The following CNTN3 variants were observed in gnomAD, a reference collection of about 807,000 sequenced individuals.
CNTN3 encodes the protein contactin-3.
A neutral mutation model predicts 119.1 loss-of-function variants in CNTN3; 60 were observed. That is an observed-to-expected ratio of 0.50 (90% CI 0.41 to 0.62). CNTN3 has a LOEUF of 0.62. Among genes scored for constraint, CNTN3 ranks in the 20% least tolerant of loss-of-function variants. The pLI, the probability that CNTN3 is intolerant of heterozygous loss-of-function variation, is 0.00. For synonymous variants in CNTN3, 450 were observed against 438.7 expected (o/e 1.03, Z -0.32); for missense variants, 1,101 against 1,242.4 (o/e 0.89, Z 1.71).
At chr3:74,597,998 A>C (rs1264693722) in intron 1 of CNTN3, among the ~76,000 whole-genome samples, 1 of 152,070 alleles carries the variant, frequency 6.6e-6, no homozygotes, top group African/African-American at 2.4e-5. Context: ...ATGTGGGCTC[A>C]AGTAGTTCCT....
rs975347622 is a variant in CNTN3 at position 74,520,236 on chromosome 3, T to TA, written c.55+821dup. 3.3e-3 allele frequency among the ~76,000 whole-genome samples: 468 copies of TA among 142,356 alleles called. 5 individuals are homozygous for TA. Among genetic ancestry groups the TA allele is most frequent in the East Asian group, 0.01 (50 of 4,826 alleles). 93.4% of individuals were successfully genotyped at this position (142,356 alleles called of 152,430 possible). On this transcript the variant is annotated intron_variant, in intron 2 of 22. Transcript: ENST00000263665. Reference sequence around the variant, plus strand: ...GGGTTAGCCAAAATAAGTAGACAGATAAAAAAAAAAGGAAAAAGCACACAT... The same window carrying TA: ...GGGTTAGCCAAAATAAGTAGACAGATAAAAAAAAAAAGGAAAAAGCACACAT...
chr3:74,311,404 A>C (rs1263334182), intron 13 of CNTN3, among the ~76,000 whole-genome samples: 2 of 152,216 alleles, frequency 1.3e-5, no homozygotes, highest in African/African-American at 2.4e-5. Context: ...AGTTAGGATA[A>C]GAAAAAAAAG....
chr3:74,586,217 T>A (rs558920357), intron 1 of CNTN3, among the ~76,000 whole-genome samples: 2 of 152,254 alleles, frequency 1.3e-5, no homozygotes, highest in Non-Finnish European at 2.9e-5. Flanking sequence ...AAACCTCTTA[T>A]GAAAATATTT....
At chr3:74,321,134 GGGA>G (rs1255914821) in intron 13 of CNTN3, among the ~76,000 whole-genome samples, 4 of 152,206 alleles carry the variant, frequency 2.6e-5, no homozygotes, top group Middle Eastern at 3.4e-3. Flanking sequence ...GAATACAAGA[GGGA>G]GGAGGACTGG....
chr3:74,347,474 CA>C (rs1420140359), intron 11 of CNTN3, among the ~76,000 whole-genome samples: 1 of 152,210 alleles, frequency 6.6e-6, no homozygotes, highest in Non-Finnish European at 1.5e-5. Context: ...CTCCTGGCCT[CA>C]AGTGATCCTC....
chr3:74,535,873 G>T (rs977321165), intron 1 of CNTN3, among the ~76,000 whole-genome samples: 2 of 152,042 alleles, frequency 1.3e-5, no homozygotes, highest in Non-Finnish European at 2.9e-5. Context: ...CAACTCAGCT[G>T]CAGCCCGTCT....
At chr3:74,271,498 G>C (rs1171174070) in intron 20 of CNTN3, among the ~76,000 whole-genome samples, 2 of 152,152 alleles carry the variant, frequency 1.3e-5, no homozygotes, top group African/African-American at 4.8e-5. Context: ...ATTGCCTGGA[G>C]CTTTCAATGG....
At chr3:74,358,271 A>T (rs2593983) in intron 11 of CNTN3, among the ~76,000 whole-genome samples, 152,306 of 152,306 alleles carry the variant, frequency 1, 76,153 homozygotes, top group Non-Finnish European at 1. Flanking sequence ...GCTTATGATC[A>T]GTAGGGGAGA....
At chr3:74,469,059 T>C (rs1702514274) in intron 4 of CNTN3, among the ~76,000 whole-genome samples, 1 of 152,170 alleles carries the variant, frequency 6.6e-6, no homozygotes, top group East Asian at 1.9e-4. Flanking sequence ...TGTTTCACAA[T>C]CTAGAAACAA....
At chr3:74,352,444 C>T (rs1237869687) in intron 11 of CNTN3, among the ~76,000 whole-genome samples, 1 of 152,194 alleles carries the variant, frequency 6.6e-6, no homozygotes, top group African/African-American at 2.4e-5. Context: ...CATGTGTTGT[C>T]TTGGAGGTAA....
rs1021965679 is a variant in CNTN3, at chr3:74,301,450, A to G, written c.2043T>C (p.Ile681=). Residue 681 remains isoleucine, a synonymous_variant, in exon 16 of 23, where the codon ATT becomes ATC. Coordinates refer to ENST00000263665, the MANE Select transcript of CNTN3 (RefSeq NM_020872.3). Reference sequence around the variant, plus strand: ...AGGGTAAACTTGGTTCTCCACCTCCAATTTTGTTACTGGCTACAACCCGAA... The same window carrying G: ...AGGGTAAACTTGGTTCTCCACCTCCGATTTTGTTACTGGCTACAACCCGAA... ...YEFRVVASNK[I]GGGEPSLPSE... The G allele has an allele frequency of 6.2e-7, 1 of 1,614,066 alleles. No homozygotes were observed. The highest frequency in any genetic ancestry group is 8.5e-7 in the Non-Finnish European group (1 of 1,179,986).
intron 4 of CNTN3, among the ~76,000 whole-genome samples, chr3:74,455,908 C>A (rs894655908): frequency 5.3e-5 from 8 of 152,096 alleles, no homozygotes; most frequent in African/African-American, 1.9e-4. Context: ...GCCTGAAAAT[C>A]TGCATTTGTA....
chr3:74,523,059 A>T (rs563106069), intron 1 of CNTN3, among the ~76,000 whole-genome samples: 186 of 151,842 alleles, frequency 1.2e-3, no homozygotes, highest in African/African-American at 1.5e-3. Context: ...CCCTGCTTGG[A>T]CCAAAGGGTC....
At chr3:74,568,132 C>T (rs1248425309) in intron 1 of CNTN3, among the ~76,000 whole-genome samples, 2 of 150,834 alleles carry the variant, frequency 1.3e-5, no homozygotes, top group African/African-American at 2.4e-5. Context: ...CCAATTCTCA[C>T]GCCTATGATA....
intron 1 of CNTN3, among the ~76,000 whole-genome samples, chr3:74,556,212 T>C (rs2107167958): frequency 6.6e-6 from 1 of 152,234 alleles, no homozygotes; most frequent in Admixed American, 6.5e-5. Context: ...TTATAGTATG[T>C]TCAGAGTTGT....
At chr3:74,278,612 A>G (rs975696471) in intron 20 of CNTN3, among the ~76,000 whole-genome samples, 12 of 152,218 alleles carry the variant, frequency 7.9e-5, no homozygotes, top group African/African-American at 2.7e-4. Flanking sequence ...TCAACCCAAG[A>G]TGGATGAAGG....
chr3:74,314,285 T>G (rs1702773176), intron 13 of CNTN3, among the ~76,000 whole-genome samples: 1 of 152,080 alleles, frequency 6.6e-6, no homozygotes, highest in Admixed American at 6.6e-5. Context: ...CTGTAAGAAA[T>G]ATGATAGAAA....
intron 4 of CNTN3, among the ~76,000 whole-genome samples, chr3:74,429,017 A>G (rs984257035): frequency 2.0e-5 from 3 of 152,182 alleles, no homozygotes; most frequent in Admixed American, 6.5e-5. Flanking sequence ...AGGTTATACC[A>G]TCTGGGTATA....
intron 1 of CNTN3, among the ~76,000 whole-genome samples, chr3:74,562,894 T>G (rs1385154004): frequency 1.3e-5 from 2 of 152,112 alleles, no homozygotes; most frequent in Non-Finnish European, 2.9e-5. Context: ...AGTCAAAATG[T>G]AAACCCCACA....
Sources: allele counts gnomAD v4.1 joint callset (sites outside exome capture counted in the v4.1 genomes callset), GRCh38; gene constraint gnomAD v4.1.1; transcripts MANE v1.5; gene names NCBI Gene and HGNC (gene_info 2026-07-23, HGNC 2026-07-21).